Variants in KLF8 observed in about 807,000 individuals in gnomAD.
The protein encoded by KLF8 is KLF transcription factor 8.
In KLF8, 10 loss-of-function variants were observed where a neutral mutation model predicts 18.2. That is an observed-to-expected ratio of 0.55 (90% CI 0.34 to 0.93). The LOEUF (loss-of-function observed/expected upper bound fraction) is 0.93. Ranked by LOEUF, KLF8 falls within the 40% of genes least tolerant of loss-of-function variation. The probability of loss-of-function intolerance (pLI) is 0.02; values close to 1 mark genes in which losing one functional copy is unlikely to be tolerated. For synonymous variants in KLF8, 109 were observed against 97.3 expected (o/e 1.12, Z -0.71); for missense variants, 264 against 277.9 (o/e 0.95, Z 0.36).
the KLF8 span, among the ~76,000 whole-genome samples, chrX:56,069,471 A>G: frequency 9.1e-6 from 1 of 109,864 alleles, no homozygotes; most frequent in Non-Finnish European, 1.9e-5. Context: ...GCTTCTGTGG[A>G]AACTCAGCCG....
intron 2 of KLF8, among the ~76,000 whole-genome samples, chrX:56,257,565 C>T (rs762657324): frequency 1.8e-5 from 2 of 111,525 alleles, no homozygotes; most frequent in East Asian, 2.8e-4. Context: ...TCTTTATGTC[C>T]ATGAGTACCC....
chrX:56,157,009 A>G, the KLF8 span, among the ~76,000 whole-genome samples: 1 of 108,896 alleles, frequency 9.2e-6, no homozygotes, highest in Non-Finnish European at 1.9e-5. Flanking sequence ...GATAGACTGG[A>G]TTAAGAAAAT....
At chrX:56,197,691 T>G in the KLF8 span, among the ~76,000 whole-genome samples, 3 of 111,714 alleles carry the variant, frequency 2.7e-5, no homozygotes, top group African/African-American at 9.8e-5. Context: ...CCTTCTGAAA[T>G]TATTCCAATC....
At chrX:56,056,960 G>A in the KLF8 span, among the ~76,000 whole-genome samples, 5 of 111,510 alleles carry the variant, frequency 4.5e-5, no homozygotes, top group South Asian at 1.9e-3. Flanking sequence ...TGAAGAATCT[G>A]TTCGTTTTTG....
chrX:56,138,826 G>C, the KLF8 span, among the ~76,000 whole-genome samples: 1 of 110,688 alleles, frequency 9.0e-6, no homozygotes, highest in Non-Finnish European at 1.9e-5. Context: ...GAGCAATAAG[G>C]CAAGAAAAAG....
At chrX:55,938,656 C>G in the KLF8 span, among the ~76,000 whole-genome samples, 1 of 110,464 alleles carries the variant, frequency 9.1e-6, no homozygotes, top group Admixed American at 9.7e-5. Flanking sequence ...CACACATAGG[C>G]TCAAAATAAA....
chrX:56,257,079 A>T (rs1320850822), intron 2 of KLF8, among the ~76,000 whole-genome samples: 1 of 111,855 alleles, frequency 8.9e-6, no homozygotes, highest in Non-Finnish European at 1.9e-5. Context: ...AATGTTTTAT[A>T]ATACTACTGG....
the KLF8 span, among the ~76,000 whole-genome samples, chrX:56,069,341 T>A: frequency 1.8e-5 from 2 of 111,764 alleles, no homozygotes; most frequent in Non-Finnish European, 3.8e-5. Context: ...GCCCTGCTAT[T>A]GTGTGAGCTC....
the KLF8 span, among the ~76,000 whole-genome samples, chrX:55,996,487 G>T: frequency 3.6e-5 from 4 of 111,827 alleles, 1 homozygote; most frequent in Admixed American, 9.4e-5. Flanking sequence ...CATCTGTGTG[G>T]GATGATGTTC....
At chrX:55,990,793 C>T in the KLF8 span, among the ~76,000 whole-genome samples, 1 of 112,130 alleles carries the variant, frequency 8.9e-6, no homozygotes, top group Admixed American at 9.4e-5. Flanking sequence ...TGGGTATCAG[C>T]AGTGGAGGCT....
At chrX:56,182,105 A>T in the KLF8 span, among the ~76,000 whole-genome samples, 124 of 111,734 alleles carry the variant, frequency 1.1e-3, no homozygotes, top group East Asian at 0.017. Flanking sequence ...CACCAGTCAG[A>T]CATAGATTTG....
In KLF8 at chrX:56,265,234, A is replaced by G; in HGVS notation, c.136A>G (p.Met46Val). Residue 46 changes from methionine (M) to valine (V), a missense_variant, in exon 3 of 6, where the codon ATG (methionine) becomes GTG (valine). Physicochemically the swap from Met to Val is conservative, Grantham distance 21. This residue lies in a region of KLF8 where 221 missense variants were observed against 193.6 expected (regional missense o/e 1.14). Coordinates refer to ENST00000468660, the MANE Select transcript of KLF8 (RefSeq NM_007250.5). The stretch of plus-strand genomic sequence containing the variant: ...CCCTGAGATAGAATACAGAAGTAAT[A>G]TGACTTCTCCAACACTCCTGGATGC... ...DPPEIEYRSN[M>V]TSPTLLDANP... The G allele has an allele frequency of 8.3e-7, 1 of 1,209,372 alleles. No homozygotes were observed. Among genetic ancestry groups the G allele is most frequent in the Non-Finnish European group, 1.1e-6 (1 of 893,946 alleles).
the KLF8 span, among the ~76,000 whole-genome samples, chrX:56,035,703 TTGA>T: frequency 8.9e-6 from 1 of 112,362 alleles, no homozygotes; most frequent in African/African-American, 3.2e-5. Flanking sequence ...TTGCATTTCT[TTGA>T]TGATTAGTGA....
At chrX:56,091,458 A>G in the KLF8 span, among the ~76,000 whole-genome samples, 1 of 111,294 alleles carries the variant, frequency 9.0e-6, no homozygotes. Flanking sequence ...TGATTAATAC[A>G]TGTGATAAAC....
At chrX:56,193,972 T>A in the KLF8 span, among the ~76,000 whole-genome samples, 2 of 112,019 alleles carry the variant, frequency 1.8e-5, no homozygotes, top group African/African-American at 6.5e-5. Flanking sequence ...AGAGTGTAAC[T>A]GGATTGTTTG....
the KLF8 span, among the ~76,000 whole-genome samples, chrX:56,068,972 C>T: frequency 8.9e-6 from 1 of 112,268 alleles, no homozygotes; most frequent in Non-Finnish European, 1.9e-5. Context: ...CAGCCATGCA[C>T]ATGACACTCC....
chrX:56,278,780 G>A (rs1003919721), intron 5 of KLF8, among the ~76,000 whole-genome samples: 3 of 111,736 alleles, frequency 2.7e-5, no homozygotes, highest in African/African-American at 9.8e-5. Context: ...TTAATTCAAG[G>A]CCCCAGAGCA....
At chrX:56,078,471 C>G in the KLF8 span, among the ~76,000 whole-genome samples, 1 of 111,968 alleles carries the variant, frequency 8.9e-6, no homozygotes, top group Non-Finnish European at 1.9e-5. Context: ...TTGAACCAGC[C>G]TTGCATCCCA....
At chrX:55,934,609 T>A in the KLF8 span, among the ~76,000 whole-genome samples, 6 of 112,420 alleles carry the variant, frequency 5.3e-5, no homozygotes, top group Admixed American at 3.8e-4. Context: ...TGCTCTCTAT[T>A]TAGTCAGCAT....
Sources: allele counts gnomAD v4.1 joint callset (sites outside exome capture counted in the v4.1 genomes callset), GRCh38; gene constraint gnomAD v4.1.1; regional missense constraint gnomAD v4.1.1; transcripts MANE v1.5; gene names NCBI Gene and HGNC (gene_info 2026-07-23, HGNC 2026-07-21).